The following SNTG1 variants were observed in gnomAD, a reference collection of about 807,000 sequenced individuals.
The protein encoded by SNTG1 is syntrophin gamma 1, also known as gamma-1-syntrophin.
SNTG1 carries 39 observed loss-of-function variants against 74.7 expected under a neutral mutation model. That is an observed-to-expected ratio of 0.52 (90% CI 0.40 to 0.68). The LOEUF (loss-of-function observed/expected upper bound fraction) is 0.68. Among genes scored for constraint, SNTG1 ranks in the 30% least tolerant of loss-of-function variants. The pLI, the probability that SNTG1 is intolerant of heterozygous loss-of-function variation, is 0.00. For synonymous variants in SNTG1, 254 were observed against 217.1 expected (o/e 1.17, Z -1.49); for missense variants, 685 against 609.5 (o/e 1.12, Z -1.30).
intron 17 of SNTG1, among the ~76,000 whole-genome samples, chr8:50,716,380 A>T (rs1420146959): frequency 6.6e-6 from 1 of 152,088 alleles, no homozygotes; most frequent in African/African-American, 2.4e-5. Flanking sequence ...ATATTCACAT[A>T]AATCTTAGCA....
intron 2 of SNTG1, among the ~76,000 whole-genome samples, chr8:50,184,765 T>C (rs565173810): frequency 6.6e-6 from 1 of 152,206 alleles, no homozygotes; most frequent in East Asian, 1.9e-4. Flanking sequence ...AAACAATAGA[T>C]ATTAGTGCCC....
At chr8:50,349,756 GGCAGCCCTC>G (rs950945085) in intron 2 of SNTG1, among the ~76,000 whole-genome samples, 6 of 152,128 alleles carry the variant, frequency 3.9e-5, no homozygotes, top group Non-Finnish European at 7.4e-5. Flanking sequence ...ACAGTGTGCT[GGCAGCCCTC>G]GCAGCCCTCA....
chr8:50,589,432 A>C (rs930802805), intron 12 of SNTG1, among the ~76,000 whole-genome samples: 11 of 152,152 alleles, frequency 7.2e-5, no homozygotes, highest in Non-Finnish European at 1.3e-4. Context: ...TGCTTGGCTC[A>C]GAAGTTTGGC....
intron 1 of SNTG1, among the ~76,000 whole-genome samples, chr8:49,946,373 T>G (rs905973948): frequency 6.6e-6 from 1 of 152,198 alleles, no homozygotes; most frequent in Non-Finnish European, 1.5e-5. Flanking sequence ...TAGGCTACAA[T>G]GAGACCGTGA....
chr8:49,959,641 G>A (rs1810502181), intron 1 of SNTG1, among the ~76,000 whole-genome samples: 1 of 152,126 alleles, frequency 6.6e-6, no homozygotes, highest in Non-Finnish European at 1.5e-5. Flanking sequence ...TTAATTTTAT[G>A]GCTAAATAAC....
chr8:50,252,306 A>G (rs2086678337), intron 2 of SNTG1, among the ~76,000 whole-genome samples: 1 of 152,174 alleles, frequency 6.6e-6, no homozygotes, highest in African/African-American at 2.4e-5. Flanking sequence ...AGGAACTAGA[A>G]AAACAAGAAT....
chr8:50,291,988 G>GGT lies in SNTG1; in HGVS notation c.-27-102206_-27-102205dup, dbSNP rs148005020. Reference sequence around the variant, plus strand: ...CATGGTAGGAAGCAGAATGAGGAAAGGTGTGTGTGTGTGTGTGTGCTCTAA... The same window carrying GGT: ...CATGGTAGGAAGCAGAATGAGGAAAGGTGTGTGTGTGTGTGTGTGTGCTCTAA... On this transcript the variant is annotated intron_variant, in intron 2 of 18. Transcript: ENST00000642720. Among the ~76,000 whole-genome samples the GGT allele has an allele frequency of 1.9e-3, 289 of 150,166 alleles. 1 individual carries two copies. The highest frequency in any genetic ancestry group is 6.9e-3 in the Middle Eastern group (2 of 290).
At chr8:50,656,887 A>T (rs1182340503) in intron 13 of SNTG1, 22 bp from the exon 14 acceptor site, 2 of 1,499,986 alleles carry the variant, frequency 1.3e-6, no homozygotes, top group Admixed American at 3.4e-5. Flanking sequence ...TTGACAGTTG[A>T]TTGTATTCCA....
At position 50,700,186 on chromosome 8, in the gene SNTG1, A is replaced by G. The variant is rs544338609; in HGVS notation, c.1039-4414A>G. On this transcript the variant is annotated intron_variant, in intron 15 of 18. Transcript: ENST00000642720. ...TAATCGTGTAAATACTCCTTATTAT[A>G]CTAATACTTCTAGTCAATGCCAGTC... 5.9e-5 allele frequency among the ~76,000 whole-genome samples: 9 copies of G among 152,314 alleles called. No homozygotes were observed. In the South Asian group the frequency reaches 1.0e-3, roughly 18 times the overall value.
intron 2 of SNTG1, among the ~76,000 whole-genome samples, chr8:50,384,601 T>A (rs554464319): frequency 8.5e-5 from 13 of 152,260 alleles, no homozygotes; most frequent in African/African-American, 2.9e-4. Flanking sequence ...AATTGGGCAC[T>A]CAGCAGTGGC....
At chr8:50,086,223 C>G (rs981777608) in intron 1 of SNTG1, among the ~76,000 whole-genome samples, 3 of 152,158 alleles carry the variant, frequency 2.0e-5, no homozygotes, top group African/African-American at 4.8e-5. Context: ...AAGGAATTAA[C>G]AGGAATTCCC....
chr8:50,729,327 G>A (rs1025301709), intron 17 of SNTG1, among the ~76,000 whole-genome samples: 10 of 152,178 alleles, frequency 6.6e-5, no homozygotes, highest in Non-Finnish European at 1.3e-4. Context: ...ATACATGTAA[G>A]CATTTCTCTC....
At chr8:50,734,793 ATG>A (rs201679310) in intron 17 of SNTG1, among the ~76,000 whole-genome samples, 2,342 of 105,402 alleles carry the variant, frequency 0.022, 110 homozygotes, top group Non-Finnish European at 0.027. Flanking sequence ...ATCTATATAT[ATG>A]GACATATATA....
intron 13 of SNTG1, among the ~76,000 whole-genome samples, chr8:50,650,236 G>A (rs894659554): frequency 5.3e-5 from 8 of 151,492 alleles, no homozygotes; most frequent in East Asian, 3.9e-4. Context: ...TTTTTTCTTC[G>A]TTTTTTGAGT....
chr8:50,709,011 CT>C, intron 17 of SNTG1, 33 bp downstream of exon 17: 1 of 1,446,188 alleles, frequency 6.9e-7, no homozygotes, highest in Non-Finnish European at 9.7e-7. Context: ...GAGAAATATG[CT>C]GCAAACATTC....
At chr8:50,154,577 CA>C (rs573433947) in intron 1 of SNTG1, among the ~76,000 whole-genome samples, 206 of 152,220 alleles carry the variant, frequency 1.4e-3, no homozygotes, top group Non-Finnish European at 2.3e-3. Context: ...TATATGTTAC[CA>C]GAAATAAGTC....
intron 1 of SNTG1, among the ~76,000 whole-genome samples, chr8:50,018,539 A>G (rs940001972): frequency 3.9e-5 from 6 of 152,020 alleles, no homozygotes; most frequent in Non-Finnish European, 5.9e-5. Flanking sequence ...AAAACTAGAA[A>G]AAGACATAAG....
intron 17 of SNTG1, 67 bp downstream of exon 17, chr8:50,709,045 C>T (rs867723405): frequency 2.0e-5 from 22 of 1,083,398 alleles, no homozygotes; most frequent in Middle Eastern, 2.0e-4. Context: ...GATTTAAATG[C>T]CTCATAACTC....
chr8:50,656,484 AT>A (rs1298235958), intron 13 of SNTG1, among the ~76,000 whole-genome samples: 1 of 152,186 alleles, frequency 6.6e-6, no homozygotes, highest in Non-Finnish European at 1.5e-5. Flanking sequence ...TAAGATGTCT[AT>A]CTGATTTGCT....
Sources: gnomAD v4.1 joint callset for allele counts (sites outside exome capture counted in the v4.1 genomes callset) on GRCh38, gnomAD v4.1.1 for gene constraint, MANE v1.5 for transcripts, NCBI Gene and HGNC (gene_info 2026-07-23, HGNC 2026-07-21) for gene names.